The following TFPT variants were observed in gnomAD, a reference collection of about 807,000 sequenced individuals.
The protein encoded by TFPT is INO80 complex subunit F.
A neutral mutation model predicts 28.8 loss-of-function variants in TFPT; 27 were observed. The observed-to-expected ratio is 0.94, with a 90% CI of 0.69 to 1.29. The LOEUF (loss-of-function observed/expected upper bound fraction) is 1.29. Ranked by LOEUF, TFPT falls within the 50% of genes most tolerant of loss-of-function variation. The probability of loss-of-function intolerance (pLI) is 0.00; values close to 1 mark genes in which losing one functional copy is unlikely to be tolerated. For synonymous variants in TFPT, 152 were observed against 142.8 expected (o/e 1.06, Z -0.46); for missense variants, 330 against 338.0 (o/e 0.98, Z 0.19).
At chr19:54,114,352 G>GAA in intron 2 of TFPT, 90 bp downstream of exon 2, 1 of 1,521,084 alleles carries the variant, frequency 6.6e-7, no homozygotes, top group African/African-American at 1.4e-5. Context: ...AGCAAGCCAA[G>GAA]AAAGGCTGGG....
intron 3 of TFPT, among the ~76,000 whole-genome samples, chr19:54,109,511 T>G (rs1365166012): frequency 1.3e-5 from 2 of 152,114 alleles, no homozygotes; most frequent in Non-Finnish European, 2.9e-5. Context: ...TGCTCCAGTT[T>G]TGCTGGTACA....
At chr19:54,110,180 G>C (rs1465192806) in intron 2 of TFPT, 59 bp from the exon 3 acceptor site, 5 of 1,587,954 alleles carry the variant, frequency 3.1e-6, no homozygotes, top group Non-Finnish European at 4.3e-6. Context: ...TTTGTTTAAC[G>C]GATGTTTAAT....
At chr19:54,114,896 A>G in intron 1 of TFPT, 196 bp from the exon 2 acceptor site, 1 of 732,506 alleles carries the variant, frequency 1.4e-6, no homozygotes, top group Non-Finnish European at 2.1e-6. Flanking sequence ...TCCGCAACCC[A>G]CCCTTCGCAG....
At chr19:54,108,596 C>G (rs2073353762) in intron 3 of TFPT, 1 of 1,551,400 alleles carries the variant, frequency 6.4e-7, no homozygotes, top group Admixed American at 2.0e-5. Flanking sequence ...GGCAACCATT[C>G]TGAGGCTGAG....
At position 54,114,714 on chromosome 19, in the gene TFPT, A is replaced by G. The variant is rs2073567605; in HGVS notation, c.24-14T>C. On this transcript the variant is annotated splice_polypyrimidine_tract_variant and intron_variant, in intron 1 of 5. Transcript: ENST00000391759. ...GCTGCCATGGTCCTGAGAGGCAGGG[A>G]AAGGCTCAGGGGCCCTGGATCCTGG... 9 of 1,607,966 alleles carry G rather than the reference A, an allele frequency of 5.6e-6. No individual in the cohort carries two copies. Among genetic ancestry groups the G allele is most frequent in the African/African-American group, 1.3e-5 (1 of 74,598 alleles).
chr19:54,111,240 G>A (rs918987290), intron 2 of TFPT, among the ~76,000 whole-genome samples: 30 of 152,146 alleles, frequency 2.0e-4, no homozygotes, highest in African/African-American at 7.2e-4. Context: ...CTGCTCCTGG[G>A]TCAGAAAGAC....
intron 3 of TFPT, chr19:54,108,623 CGACAT>C: frequency 6.6e-7 from 1 of 1,506,668 alleles, no homozygotes; most frequent in Non-Finnish European, 8.9e-7. Context: ...GCTCTGCAAA[CGACAT>C]GACACCCTCG....
chr19:54,107,302 G>T, intron 5 of TFPT, 133 bp from the exon 6 acceptor site: 1 of 1,226,500 alleles, frequency 8.2e-7, no homozygotes, highest in Non-Finnish European at 1.1e-6. Flanking sequence ...AGGCTGGAGT[G>T]CAGTGGTGCC....
At position 54,108,110 on chromosome 19, in the gene TFPT, C is replaced by A; in HGVS notation, c.558G>T (p.Gly186=). ...CTCGCCGCCTCTTCCGCCCACTGGG[C>A]CCCTCACCGGGGGCTGGGCTGCCGG... ...PEPGSPAPGE[G]PSGRKRRRVP... The change falls in exon 5 of 6, where the codon GGG becomes GGT. Residue 186 remains glycine (G), a synonymous_variant. Coordinates refer to ENST00000391759, the MANE Select transcript of TFPT (RefSeq NM_013342.4). 1 of 1,573,990 alleles carries A rather than the reference C, an allele frequency of 6.4e-7. No individual in the cohort carries two copies. The highest frequency in any genetic ancestry group is 8.6e-7 in the Non-Finnish European group (1 of 1,159,718).
In TFPT at chr19:54,115,318, A is replaced by G; in HGVS notation, c.-49T>C. 1 of 1,613,386 alleles carries G rather than the reference A, an allele frequency of 6.2e-7. No individual in the cohort carries two copies. ...GGCCTCAGAGCTTCCGACCTCTTCA[A>G]TCTGTAGGTTAAGCCGTTCGCAAAA... On this transcript the variant is annotated 5_prime_UTR_variant, in exon 1 of 6. Coordinates refer to ENST00000391759, the MANE Select transcript of TFPT (RefSeq NM_013342.4).
At position 54,108,142 on chromosome 19, in the gene TFPT, G is replaced by T. The variant is rs770531913; in HGVS notation, c.526C>A (p.Pro176Thr). 6.3e-7 allele frequency: 1 copy of T among 1,584,894 alleles called. No individual in the cohort carries two copies. Among genetic ancestry groups the T allele is most frequent in the Middle Eastern group, 1.7e-4 (1 of 5,884 alleles). ...LSPPRRTPAP[P>T]EPGSPAPGEG... Reference sequence around the variant, plus strand: ...CCGGGGGCTGGGCTGCCGGGTTCTGGGGGTGCAGGAGTCCTTCTGGGCGGG... The same window carrying T: ...CCGGGGGCTGGGCTGCCGGGTTCTGTGGGTGCAGGAGTCCTTCTGGGCGGG... Residue 176 changes from proline to threonine, a missense_variant, in exon 5 of 6, where the codon CCA (proline) becomes ACA (threonine). Transcript: ENST00000391759.
chr19:54,115,292 G>A lies in TFPT; in HGVS notation c.-23C>T. On this transcript the variant is annotated 5_prime_UTR_variant, in exon 1 of 6. Coordinates refer to ENST00000391759, the MANE Select transcript of TFPT (RefSeq NM_013342.4). ...CATCTCCGCGACCTCCGGAAGCCCC[G>A]GGCCTCAGAGCTTCCGACCTCTTCA... 3 of 1,613,936 alleles carry A rather than the reference G, an allele frequency of 1.9e-6. No homozygotes were observed. Among genetic ancestry groups the A allele is most frequent in the Non-Finnish European group, 1.7e-6 (2 of 1,180,044 alleles).
At chr19:54,108,431 A>G (rs2073347970) in intron 3 of TFPT, 36 bp from the exon 4 acceptor site, 9 of 1,613,994 alleles carry the variant, frequency 5.6e-6, no homozygotes, top group Non-Finnish European at 7.6e-6. Flanking sequence ...GGAATAACTT[A>G]TCTCCTAGCG....
At position 54,108,023 on chromosome 19, in the gene TFPT, C is replaced by CA. The variant is rs1371208397; in HGVS notation, c.642+2dup. The CA allele has an allele frequency of 6.6e-7, 1 of 1,518,066 alleles. No individual in the cohort carries two copies. The highest frequency in any genetic ancestry group is 1.4e-5 in the African/African-American group (1 of 71,664). The allele number at this position is 1,518,066 out of a possible 1,614,324, so 94.0% of individuals were successfully genotyped here. On this transcript the variant is annotated splice_region_variant and intron_variant, in intron 5 of 5. Transcript: ENST00000391759. The stretch of plus-strand genomic sequence containing the variant: ...CCTCCCCTTGAGTTCCCGCCTTCCT[C>CA]ACCTGCACCGGGGCCAGCTCTGGAG...
intron 2 of TFPT, among the ~76,000 whole-genome samples, chr19:54,111,309 G>A (rs1487592354): frequency 2.6e-5 from 4 of 151,292 alleles, no homozygotes; most frequent in African/African-American, 7.3e-5. Context: ...TTGGGAGGCC[G>A]GGGCGGGCAG....
chr19:54,108,975 A>C, intron 3 of TFPT: 2 of 180,988 alleles, frequency 1.1e-5, no homozygotes, highest in Non-Finnish European at 2.4e-5. Context: ...GCTCACCACA[A>C]CCTCCACCTC....
At chr19:54,109,457 G>C (rs1441104154) in intron 3 of TFPT, among the ~76,000 whole-genome samples, 1 of 152,174 alleles carries the variant, frequency 6.6e-6, no homozygotes, top group East Asian at 1.9e-4. Context: ...ACTGAGATGA[G>C]AACTGTGGTT....
intron 3 of TFPT, 26 bp downstream of exon 3, chr19:54,110,025 C>T (rs748630145): frequency 6.2e-7 from 1 of 1,612,506 alleles, no homozygotes; most frequent in Non-Finnish European, 8.5e-7. Flanking sequence ...GGCTCACAGG[C>T]CCAGAGGGGA....
Position 54,108,401 on chromosome 19 carries a change from C to CA in TFPT, c.354-7dup, listed in dbSNP as rs770460338. 1.2e-6 allele frequency: 2 copies of CA among 1,613,932 alleles called. No individual in the cohort carries two copies. The highest frequency in any genetic ancestry group is 3.3e-5 in the Admixed American group (2 of 59,970). On this transcript the variant is annotated splice_region_variant and splice_polypyrimidine_tract_variant and intron_variant, in intron 3 of 5. Transcript: ENST00000391759. ...CCAGCACTCTCATGAGGAACCTGCT[C>CA]AGGGGGAGAAGCCACCAACGGAATA...
Sources: gnomAD v4.1 joint callset for allele counts (sites outside exome capture counted in the v4.1 genomes callset) on GRCh38, gnomAD v4.1.1 for gene constraint, MANE v1.5 for transcripts, NCBI Gene and HGNC (gene_info 2026-07-23, HGNC 2026-07-21) for gene names.